SSBP2: variants seen among roughly 807,000 people sequenced by gnomAD.
SSBP2 encodes the protein single-stranded DNA-binding protein 2.
A neutral mutation model predicts 61.8 loss-of-function variants in SSBP2; 17 were observed. That is an observed-to-expected ratio of 0.28 (90% CI 0.19 to 0.41). The LOEUF is 0.41. SSBP2 is among the 10% of genes least tolerant of loss of function. The probability of loss-of-function intolerance (pLI) is 1.00; values close to 1 mark genes in which losing one functional copy is unlikely to be tolerated. For synonymous variants in SSBP2, 139 were observed against 141.3 expected, an observed-to-expected ratio of 0.98 and a Z score of 0.12; for missense variants, 310 against 458.7, an observed-to-expected ratio of 0.68 and a Z score of 2.96.
At chr5:81,587,027 C>G (rs1334790265) in intron 4 of SSBP2, among the ~76,000 whole-genome samples, 1 of 152,150 alleles carries the variant, frequency 6.6e-6, no homozygotes, top group Non-Finnish European at 1.5e-5. Flanking sequence ...AAGCTTGCAT[C>G]TGGTTTCCTC....
intron 16 of SSBP2, among the ~76,000 whole-genome samples, chr5:81,425,114 C>T (rs1169338611): frequency 6.6e-6 from 1 of 152,170 alleles, no homozygotes; most frequent in African/African-American, 2.4e-5. Context: ...AATGAGATAG[C>T]ACGCCTTGCT....
At chr5:81,677,668 T>C (rs1752084138) in intron 1 of SSBP2, among the ~76,000 whole-genome samples, 1 of 152,130 alleles carries the variant, frequency 6.6e-6, no homozygotes, top group Admixed American at 6.6e-5. Flanking sequence ...GAAACTATTT[T>C]TGAATACACA....
chr5:81,502,870 A>G (rs1442886211), intron 5 of SSBP2, among the ~76,000 whole-genome samples: 1 of 152,236 alleles, frequency 6.6e-6, no homozygotes, highest in Non-Finnish European at 1.5e-5. Context: ...TCAAAAGAGT[A>G]AACAGACAAC....
rs554083507 is a variant in SSBP2, at chr5:81,541,581, C to T, written c.283-27864G>A. On this transcript the variant is annotated intron_variant, in intron 4 of 16. Transcript: ENST00000320672. ...ACTGGTCCAAAAAGAGACATATAGA[C>T]TAATGGAACAGAATAGAGAACCCAG... is the stretch of plus-strand genomic sequence containing the variant. Among the ~76,000 whole-genome samples the T allele has an allele frequency of 1.2e-3, 185 of 152,162 alleles. 1 individual carries two copies. The highest frequency in any genetic ancestry group is 5.0e-3 in the Admixed American group (77 of 15,284).
intron 6 of SSBP2, among the ~76,000 whole-genome samples, chr5:81,484,023 A>G (rs1766199523): frequency 6.6e-6 from 1 of 152,178 alleles, no homozygotes; most frequent in Non-Finnish European, 1.5e-5. Context: ...GCTGCATTAG[A>G]ATGTCAGCTC....
At chr5:81,719,581 C>T (rs1267716951) in intron 1 of SSBP2, among the ~76,000 whole-genome samples, 2 of 151,996 alleles carry the variant, frequency 1.3e-5, no homozygotes, top group Non-Finnish European at 1.5e-5. Context: ...TAAAATGTAC[C>T]CAGGTTTTGT....
intron 4 of SSBP2, among the ~76,000 whole-genome samples, chr5:81,601,686 C>T (rs968338633): frequency 6.6e-6 from 1 of 152,168 alleles, no homozygotes; most frequent in Non-Finnish European, 1.5e-5. Context: ...TAATTCACAA[C>T]CATCCCAATA....
At chr5:81,750,869 AC>A (rs1160646531) in intron 1 of SSBP2, 111 bp downstream of exon 1, 2 of 967,690 alleles carry the variant, frequency 2.1e-6, no homozygotes, top group Non-Finnish European at 1.5e-6. Flanking sequence ...CTGCCAGCCC[AC>A]CCCCGGCGCT....
chr5:81,464,879 G>T (rs1011923989), intron 9 of SSBP2, among the ~76,000 whole-genome samples: 3 of 151,966 alleles, frequency 2.0e-5, no homozygotes, highest in Non-Finnish European at 2.9e-5. Context: ...GTTAGACTTT[G>T]TTTTAAAGAT....
chr5:81,627,894 C>T (rs989834285), intron 3 of SSBP2, among the ~76,000 whole-genome samples: 2 of 151,780 alleles, frequency 1.3e-5, no homozygotes, highest in Admixed American at 6.6e-5. Context: ...AAAACCTCAT[C>T]GCTACAAAAA....
At chr5:81,718,159 G>T (rs1755296705) in intron 1 of SSBP2, among the ~76,000 whole-genome samples, 1 of 152,084 alleles carries the variant, frequency 6.6e-6, no homozygotes. Flanking sequence ...AAAAAGTAGG[G>T]AAAGAAGCTC....
chr5:81,463,804 T>TAGGTTGGAGTGCCCACA (rs1451605482), intron 9 of SSBP2, among the ~76,000 whole-genome samples: 1 of 141,666 alleles, frequency 7.1e-6, no homozygotes, highest in Non-Finnish European at 1.5e-5. Flanking sequence ...AGTCTTGCCC[T>TAGGTTGGAGTGCCCACA]GTCACCTAGG....
intron 1 of SSBP2, among the ~76,000 whole-genome samples, chr5:81,688,148 T>C (rs923087300): frequency 6.6e-6 from 1 of 152,080 alleles, no homozygotes; most frequent in African/African-American, 2.4e-5. Context: ...CAGTATTCAC[T>C]GCAGGCCTGG....
chr5:81,458,676 A>G (rs894995605), intron 10 of SSBP2, among the ~76,000 whole-genome samples: 2 of 152,226 alleles, frequency 1.3e-5, no homozygotes, highest in African/African-American at 4.8e-5. Context: ...AAGTGTTTTA[A>G]TATTAAATAT....
At chr5:81,427,505 C>G (rs1010248025) in intron 16 of SSBP2, among the ~76,000 whole-genome samples, 1 of 152,116 alleles carries the variant, frequency 6.6e-6, no homozygotes, top group African/African-American at 2.4e-5. Flanking sequence ...ACAGAGCACT[C>G]AATCTTGTAT....
intron 1 of SSBP2, among the ~76,000 whole-genome samples, chr5:81,681,551 C>A (rs1026590612): frequency 6.7e-6 from 1 of 149,964 alleles, no homozygotes; most frequent in East Asian, 1.9e-4. Context: ...ATACAACTTA[C>A]CAAAATTTGT....
At chr5:81,632,733 T>C (rs1279323590) in intron 3 of SSBP2, among the ~76,000 whole-genome samples, 1 of 152,206 alleles carries the variant, frequency 6.6e-6, no homozygotes, top group Non-Finnish European at 1.5e-5. Context: ...TCTTAAACAC[T>C]AAACATGCTA....
At chr5:81,447,252 T>C (rs948583395) in intron 11 of SSBP2, among the ~76,000 whole-genome samples, 2 of 152,242 alleles carry the variant, frequency 1.3e-5, no homozygotes, top group Non-Finnish European at 2.9e-5. Flanking sequence ...AATTCATATG[T>C]ATTTTTAGTT....
intron 4 of SSBP2, among the ~76,000 whole-genome samples, chr5:81,523,371 C>T (rs191184591): frequency 6.6e-6 from 1 of 151,970 alleles, no homozygotes; most frequent in Admixed American, 6.6e-5. Flanking sequence ...TTAGCTTAAC[C>T]AGAAAAGGTA....
Sources: gnomAD v4.1 joint callset for allele counts (sites outside exome capture counted in the v4.1 genomes callset) on GRCh38, gnomAD v4.1.1 for gene constraint, MANE v1.5 for transcripts, NCBI Gene and HGNC (gene_info 2026-07-23, HGNC 2026-07-21) for gene names.